Variants in NFIB observed in about 807,000 individuals in gnomAD.
NFIB encodes nuclear factor I B.
A neutral mutation model predicts 61.5 loss-of-function variants in NFIB; 11 were observed. The ratio of observed to expected loss-of-function variants is 0.18; its 90% CI spans 0.11 to 0.30. The LOEUF (loss-of-function observed/expected upper bound fraction) is 0.30. NFIB is among the 10% of genes least tolerant of loss of function. The pLI is 1.00. For synonymous variants in NFIB, 260 were observed against 216.5 expected, an observed-to-expected ratio of 1.20 and a Z score of -1.76; for missense variants, 471 against 608.9, an observed-to-expected ratio of 0.77 and a Z score of 2.38.
intron 1 of NFIB, among the ~76,000 whole-genome samples, chr9:14,341,895 C>A (rs2060955461): frequency 6.6e-6 from 1 of 151,400 alleles, no homozygotes; most frequent in African/African-American, 2.4e-5. Context: ...GCCCAAAATC[C>A]CACTCAAGAA....
At chr9:14,148,215 TG>T (rs1387278572) in intron 5 of NFIB, among the ~76,000 whole-genome samples, 2 of 152,086 alleles carry the variant, frequency 1.3e-5, no homozygotes, top group Non-Finnish European at 2.9e-5. Flanking sequence ...CTCAAGCTCC[TG>T]GGCTCAAGTG....
At chr9:14,469,785 G>A in the NFIB span, among the ~76,000 whole-genome samples, 1 of 152,082 alleles carries the variant, frequency 6.6e-6, no homozygotes, top group Non-Finnish European at 1.5e-5. Flanking sequence ...TCATGGTTCT[G>A]CCTGGGGAGG....
At chr9:14,279,808 A>T (rs1251446238) in intron 2 of NFIB, among the ~76,000 whole-genome samples, 1 of 152,188 alleles carries the variant, frequency 6.6e-6, no homozygotes, top group African/African-American at 2.4e-5. Flanking sequence ...TCCCAAATGT[A>T]AACAATGGTC....
the NFIB span, chr9:14,531,825 G>C: frequency 1.3e-5 from 2 of 152,144 alleles, no homozygotes; most frequent in Non-Finnish European, 1.5e-5. Context: ...ACTTGAGCTT[G>C]AACTTTCCAC....
intron 1 of NFIB, among the ~76,000 whole-genome samples, chr9:14,312,992 C>T (rs1367407308): frequency 6.6e-6 from 1 of 152,254 alleles, no homozygotes; most frequent in Non-Finnish European, 1.5e-5. Flanking sequence ...GCCCGCCCAC[C>T]GCCTGCAGCG....
intron 3 of NFIB, among the ~76,000 whole-genome samples, chr9:14,163,329 G>A (rs773474774): frequency 6.6e-6 from 1 of 151,714 alleles, no homozygotes; most frequent in African/African-American, 2.4e-5. Context: ...AAATGTATAT[G>A]GACTGAATTT....
intron 1 of NFIB, among the ~76,000 whole-genome samples, chr9:14,345,532 A>G (rs2061007480): frequency 6.6e-6 from 1 of 152,188 alleles, no homozygotes; most frequent in Non-Finnish European, 1.5e-5. Context: ...GAGTAGGGAA[A>G]GGGAAGCAGG....
At chr9:14,453,040 G>A in the NFIB span, among the ~76,000 whole-genome samples, 1 of 152,170 alleles carries the variant, frequency 6.6e-6, no homozygotes, top group Non-Finnish European at 1.5e-5. Context: ...AACCTCATGG[G>A]TGCATAAGCC....
the NFIB span, among the ~76,000 whole-genome samples, chr9:14,457,083 G>C: frequency 6.6e-6 from 1 of 152,108 alleles, no homozygotes; most frequent in Non-Finnish European, 1.5e-5. Context: ...AAAAGGCCAA[G>C]GGCAATGTGT....
chr9:14,297,029 C>A (rs1410897680), intron 2 of NFIB, among the ~76,000 whole-genome samples: 1 of 152,240 alleles, frequency 6.6e-6, no homozygotes, highest in East Asian at 1.9e-4. Flanking sequence ...CGCACACCCC[C>A]TGCTCCCTGC....
chr9:14,396,093 G>C (rs2061683745), intron 1 of NFIB, among the ~76,000 whole-genome samples: 1 of 151,972 alleles, frequency 6.6e-6, no homozygotes, highest in African/African-American at 2.4e-5. Context: ...TATCTATATT[G>C]ATTTATTAAA....
At chr9:14,132,359 T>A (rs1009378409) in intron 6 of NFIB, among the ~76,000 whole-genome samples, 1 of 152,188 alleles carries the variant, frequency 6.6e-6, no homozygotes, top group Non-Finnish European at 1.5e-5. Flanking sequence ...ATGAACCCTA[T>A]AGAGACAAGT....
intron 1 of NFIB, among the ~76,000 whole-genome samples, chr9:14,364,077 A>G (rs2061272288): frequency 1.3e-5 from 2 of 152,082 alleles, no homozygotes; most frequent in Non-Finnish European, 2.9e-5. Flanking sequence ...TTCCCAGGAG[A>G]TGAATTATTA....
the NFIB span, among the ~76,000 whole-genome samples, chr9:14,488,102 G>T: frequency 6.6e-6 from 1 of 152,146 alleles, no homozygotes; most frequent in Non-Finnish European, 1.5e-5. Context: ...GGCCAGGCAC[G>T]GTGGCTGGCT....
In NFIB at chr9:14,081,857, T is replaced by C; in HGVS notation, c.*6452A>G. Reference sequence around the variant, plus strand: ...AAACATGAGGCCAGAGTCTGTAGCATAGCTCATTTTATTGTTTAAACAGTT... The same window carrying C: ...AAACATGAGGCCAGAGTCTGTAGCACAGCTCATTTTATTGTTTAAACAGTT... On this transcript the variant is annotated 3_prime_UTR_variant, in exon 11 of 11. Coordinates refer to ENST00000380953, the MANE Select transcript of NFIB (RefSeq NM_001190737.2). 5.4e-6 allele frequency: 1 copy of C among 184,474 alleles called. No individual in the cohort carries two copies. The highest frequency in any genetic ancestry group is 6.2e-5 in the Admixed American group (1 of 16,032). 11.4% of individuals were successfully genotyped at this position (184,474 alleles called of 1,614,324 possible).
intron 6 of NFIB, among the ~76,000 whole-genome samples, chr9:14,126,083 T>G (rs1179246200): frequency 1.3e-5 from 2 of 152,204 alleles, no homozygotes; most frequent in Non-Finnish European, 2.9e-5. Flanking sequence ...CTTCTTTACC[T>G]CAGTATTTCA....
At chr9:14,530,571 T>A in the NFIB span, among the ~76,000 whole-genome samples, 1 of 152,104 alleles carries the variant, frequency 6.6e-6, no homozygotes, top group African/African-American at 2.4e-5. Flanking sequence ...GGACTCAGCT[T>A]CCAGGGAAGC....
chr9:14,504,232 T>G, the NFIB span, among the ~76,000 whole-genome samples: 1 of 152,236 alleles, frequency 6.6e-6, no homozygotes, highest in African/African-American at 2.4e-5. Context: ...GACTATGGCC[T>G]TATAGTATAG....
chr9:14,150,872 ACC>A (rs767066220), intron 4 of NFIB, among the ~76,000 whole-genome samples: 2 of 152,052 alleles, frequency 1.3e-5, no homozygotes, highest in Non-Finnish European at 2.9e-5. Context: ...GGTGATGGAT[ACC>A]CCATTTACCC....
Sources: gnomAD v4.1 joint callset for allele counts (sites outside exome capture counted in the v4.1 genomes callset) on GRCh38, gnomAD v4.1.1 for gene constraint, MANE v1.5 for transcripts, NCBI Gene and HGNC (gene_info 2026-07-23, HGNC 2026-07-21) for gene names.